The following RALY variants were observed in gnomAD, a reference collection of about 807,000 sequenced individuals.
RALY encodes the protein RNA-binding protein Raly.
A neutral mutation model predicts 30.7 loss-of-function variants in RALY; 15 were observed. That is an observed-to-expected ratio of 0.49 (90% CI 0.33 to 0.75). RALY has a LOEUF of 0.75. RALY is among the 30% of genes least tolerant of loss of function. The pLI, the probability that RALY is intolerant of heterozygous loss-of-function variation, is 0.02. For missense variants in RALY, 339 were observed against 414.3 expected, an observed-to-expected ratio of 0.82 and a Z score of 1.58; for synonymous variants, 177 against 170.8, an observed-to-expected ratio of 1.04 and a Z score of -0.28.
Position 34,050,611 on chromosome 20 carries a change from A to G in RALY, c.-10+19007A>G, listed in dbSNP as rs146466797. ...TCTGTGCCTAGGCCCTTGTCAGGGT[A>G]GTCTCTATCTGAGAGTGTAGCTGGT... On this transcript the variant is annotated intron_variant, in intron 2 of 9. Transcript: ENST00000246194. 4.2e-3 allele frequency among the ~76,000 whole-genome samples: 646 copies of G among 152,292 alleles called. 6 individuals carry two copies. Among genetic ancestry groups the G allele is most frequent in the African/African-American group, 0.015 (617 of 41,556 alleles).
chr20:34,016,676 T>G (rs1437543761), intron 1 of RALY: 1 of 152,256 alleles, frequency 6.6e-6, no homozygotes, highest in East Asian at 1.9e-4. Context: ...CTTTCTCCAC[T>G]GAAATATTAA....
intron 2 of RALY, among the ~76,000 whole-genome samples, chr20:34,054,776 A>G (rs538798672): frequency 6.6e-6 from 1 of 151,408 alleles, no homozygotes; most frequent in South Asian, 2.1e-4. Context: ...CAGTGAGCTG[A>G]GGTCACACTC....
intron 2 of RALY, among the ~76,000 whole-genome samples, chr20:34,063,499 C>T (rs574512024): frequency 1.3e-5 from 2 of 152,268 alleles, no homozygotes; most frequent in African/African-American, 4.8e-5. Flanking sequence ...GCAGATGATA[C>T]TACATATCTC....
At chr20:34,075,074 C>G (rs2033835700) in intron 5 of RALY, among the ~76,000 whole-genome samples, 1 of 151,992 alleles carries the variant, frequency 6.6e-6, no homozygotes, top group Non-Finnish European at 1.5e-5. Flanking sequence ...GGAAGCCCTC[C>G]TAGAGAGGGC....
chr20:34,071,995 A>G (rs550272461), intron 2 of RALY, 71 bp from the exon 3 acceptor site: 169 of 1,519,348 alleles, frequency 1.1e-4, no homozygotes, highest in Non-Finnish European at 1.4e-4. Flanking sequence ...TCATTTATCC[A>G]GGATATGGGC....
intron 2 of RALY, among the ~76,000 whole-genome samples, chr20:34,042,728 A>G (rs1272974376): frequency 6.6e-6 from 1 of 152,242 alleles, no homozygotes; most frequent in Non-Finnish European, 1.5e-5. Flanking sequence ...TACCCTAATG[A>G]AAATATAACC....
At position 34,056,977 on chromosome 20, in the gene RALY, A is replaced by G. The variant is rs575234445; in HGVS notation, c.-9-15089A>G. The stretch of plus-strand genomic sequence containing the variant: ...TACAATAAGCTTTCCCTCAGATGCT[A>G]TTGTTTATAATAGTGAGAAATTGGA... On this transcript the variant is annotated intron_variant, in intron 2 of 9. Transcript: ENST00000246194. Among the ~76,000 whole-genome samples, 44 of 152,340 alleles carry G rather than the reference A, an allele frequency of 2.9e-4. 1 individual carries two copies. The highest frequency in any genetic ancestry group is 9.9e-4 in the African/African-American group (41 of 41,576).
At chr20:34,051,086 G>A (rs531660007) in intron 2 of RALY, among the ~76,000 whole-genome samples, 4 of 152,294 alleles carry the variant, frequency 2.6e-5, no homozygotes, top group African/African-American at 7.2e-5. Flanking sequence ...AACAGAAATA[G>A]CAACGTTTAT....
intron 1 of RALY, among the ~76,000 whole-genome samples, chr20:34,013,212 A>G (rs1326078043): frequency 6.6e-6 from 1 of 152,010 alleles, no homozygotes; most frequent in Non-Finnish European, 1.5e-5. Flanking sequence ...TGGGCAACAT[A>G]GACTTCATCT....
At chr20:34,074,051 GCTC>G (rs2033805511) in intron 5 of RALY, among the ~76,000 whole-genome samples, 185 bp downstream of exon 5, 1 of 152,198 alleles carries the variant, frequency 6.6e-6, no homozygotes, top group African/African-American at 2.4e-5. Context: ...TCAGGCCAGA[GCTC>G]CTACCACCAT....
intron 2 of RALY, among the ~76,000 whole-genome samples, chr20:34,054,673 A>G (rs952443128): frequency 6.6e-6 from 1 of 152,168 alleles, no homozygotes; most frequent in African/African-American, 2.4e-5. Context: ...TAAAAATACA[A>G]AAATTAGCCA....
intron 2 of RALY, among the ~76,000 whole-genome samples, chr20:34,041,342 A>G (rs1414663835): frequency 6.6e-6 from 1 of 152,184 alleles, no homozygotes; most frequent in Non-Finnish European, 1.5e-5. Context: ...TCAAATCTGT[A>G]CTCAACAGTT....
intron 1 of RALY, among the ~76,000 whole-genome samples, chr20:34,004,643 A>G (rs936365075): frequency 7.2e-5 from 11 of 152,194 alleles, no homozygotes; most frequent in African/African-American, 2.2e-4. Flanking sequence ...TATGAAGCCA[A>G]TTTGTATTTA....
At chr20:34,065,175 T>C (rs932751321) in intron 2 of RALY, 2 of 152,144 alleles carry the variant, frequency 1.3e-5, no homozygotes, top group Non-Finnish European at 1.5e-5. Context: ...GTGAAGGAGA[T>C]AGGAAGTGGG....
At chr20:34,021,737 A>G (rs1006649260) in intron 1 of RALY, among the ~76,000 whole-genome samples, 7 of 152,312 alleles carry the variant, frequency 4.6e-5, no homozygotes, top group Admixed American at 3.9e-4. Flanking sequence ...TGGGCCAGTC[A>G]CTTAACTCAG....
At chr20:34,033,975 G>T (rs898365403) in intron 2 of RALY, among the ~76,000 whole-genome samples, 2 of 152,154 alleles carry the variant, frequency 1.3e-5, no homozygotes, top group South Asian at 4.1e-4. Context: ...AGGCAGCCAC[G>T]ATTTGCAATA....
chr20:34,009,388 G>A (rs570239324), intron 1 of RALY, among the ~76,000 whole-genome samples: 5 of 151,946 alleles, frequency 3.3e-5, no homozygotes, highest in South Asian at 4.2e-4. Context: ...ACAGGTGCGC[G>A]CCACCATGCC....
intron 3 of RALY, 90 bp from the exon 4 acceptor site, chr20:34,073,473 C>A: frequency 8.2e-7 from 1 of 1,219,408 alleles, no homozygotes; most frequent in Non-Finnish European, 1.2e-6. Flanking sequence ...ACCGTGTAAG[C>A]ACATGAATTG....
At chr20:34,079,104 T>C (rs1189299636) in intron 9 of RALY, among the ~76,000 whole-genome samples, 1 of 152,110 alleles carries the variant, frequency 6.6e-6, no homozygotes, top group Non-Finnish European at 1.5e-5. Flanking sequence ...AGGGTGATGA[T>C]TGTGAAGGGC....
Sources: gnomAD v4.1 joint callset for allele counts (sites outside exome capture counted in the v4.1 genomes callset) on GRCh38, gnomAD v4.1.1 for gene constraint, MANE v1.5 for transcripts, NCBI Gene and HGNC (gene_info 2026-07-23, HGNC 2026-07-21) for gene names.